The following MS4A14 variants were observed in gnomAD, a reference collection of about 807,000 sequenced individuals.
The protein encoded by MS4A14 is membrane spanning 4-domains A14, also known as membrane-spanning 4-domains subfamily A member 14.
MS4A14 carries 18 observed loss-of-function variants against 16.7 expected under a neutral mutation model. The ratio of observed to expected loss-of-function variants is 1.08; its 90% CI spans 0.75 to 1.60. The LOEUF (loss-of-function observed/expected upper bound fraction) is 1.60. Among genes scored for constraint, MS4A14 ranks in the 40% most tolerant of loss-of-function variants. MS4A14 has a pLI of 0.00. For synonymous variants in MS4A14, 305 were observed against 289.4 expected, an observed-to-expected ratio of 1.05 and a Z score of -0.55; for missense variants, 812 against 775.3, an observed-to-expected ratio of 1.05 and a Z score of -0.56.
intron 3 of MS4A14, among the ~76,000 whole-genome samples, chr11:60,401,749 T>G (rs2085716714): frequency 6.6e-6 from 1 of 152,206 alleles, no homozygotes; most frequent in African/African-American, 2.4e-5. Flanking sequence ...CTAGAGATCT[T>G]AGTCTATAAA....
At chr11:60,406,256 A>T (rs900049735) in intron 4 of MS4A14, among the ~76,000 whole-genome samples, 1 of 152,318 alleles carries the variant, frequency 6.6e-6, no homozygotes. Flanking sequence ...TCTCTGCCAA[A>T]AATATGTAAT....
intron 2 of MS4A14, among the ~76,000 whole-genome samples, chr11:60,398,821 T>C (rs2085668077): frequency 6.6e-6 from 1 of 152,212 alleles, no homozygotes; most frequent in Non-Finnish European, 1.5e-5. Flanking sequence ...CCAGCAGTGT[T>C]TTCATTTTCC....
chr11:60,408,799 AATTCTTT>A (rs1487116263), intron 4 of MS4A14, among the ~76,000 whole-genome samples: 1 of 152,172 alleles, frequency 6.6e-6, no homozygotes, highest in Non-Finnish European at 1.5e-5. Flanking sequence ...CCCTGTTTTC[AATTCTTT>A]TGGATACATA....
chr11:60,402,329 A>T (rs1214611155), intron 3 of MS4A14, among the ~76,000 whole-genome samples: 2 of 152,288 alleles, frequency 1.3e-5, no homozygotes, highest in East Asian at 3.9e-4. Flanking sequence ...TATTGCTTGA[A>T]TTCTCCCAGG....
At chr11:60,408,146 C>G (rs921773298) in intron 4 of MS4A14, among the ~76,000 whole-genome samples, 1 of 152,158 alleles carries the variant, frequency 6.6e-6, no homozygotes, top group Non-Finnish European at 1.5e-5. Flanking sequence ...AAATGCAATG[C>G]TTTCCTCCAT....
Position 60,400,675 on chromosome 11 carries a change from G to A in MS4A14, c.318+221G>A, listed in dbSNP as rs150589548. 2.1e-3 allele frequency among the ~76,000 whole-genome samples: 321 copies of A among 152,160 alleles called. 1 individual carries two copies. The highest frequency in any genetic ancestry group is 3.2e-3 in the Non-Finnish European group (218 of 68,004). On this transcript the variant is annotated intron_variant, in intron 3 of 4. Coordinates refer to ENST00000300187, the MANE Select transcript of MS4A14 (RefSeq NM_032597.5). ...AAGTAAACTAAAAGAGTTGTTTATT[G>A]GAAACCATTCTGCATCCCTGTAATT... is the stretch of plus-strand genomic sequence containing the variant.
Position 60,416,182 on chromosome 11 carries a change from T to C in MS4A14, c.1214T>C (p.Met405Thr), listed in dbSNP as rs116345276. The C allele has an allele frequency of 6.4e-4, 1,038 of 1,613,698 alleles. 3 individuals carry two copies. In the African/African-American group the frequency reaches 0.013, roughly 20 times the overall value. ...MPPQDIPSQD[M>T]LSQALSAHAI... ...CCTCAAGACATACCTTCCCAAGATA[T>C]GCTATCCCAAGCTCTATCAGCGCAT... Residue 405 changes from methionine (M) to threonine (T), a missense_variant, in exon 5 of 5, where the codon ATG (methionine) becomes ACG (threonine). Coordinates refer to ENST00000300187, the MANE Select transcript of MS4A14 (RefSeq NM_032597.5).
chr11:60,400,465 T>G lies in MS4A14; in HGVS notation c.318+11T>G. The G allele has an allele frequency of 6.4e-7, 1 of 1,572,554 alleles. No individual in the cohort carries two copies. Among genetic ancestry groups the G allele is most frequent in the Non-Finnish European group, 8.7e-7 (1 of 1,144,882 alleles). On this transcript the variant is annotated intron_variant, in intron 3 of 4. Coordinates refer to ENST00000300187, the MANE Select transcript of MS4A14 (RefSeq NM_032597.5). ...AAATCAAAACTTCTGGTAAGCCACT[T>G]AAACTACATAAAATTTAAAATCTTC...
intron 3 of MS4A14, among the ~76,000 whole-genome samples, chr11:60,402,134 G>A (rs928832857): frequency 7.9e-5 from 12 of 152,180 alleles, no homozygotes; most frequent in African/African-American, 2.4e-4. Flanking sequence ...CCCCCTTCCT[G>A]TAAAGGAACT....
At chr11:60,404,455 TG>T in intron 4 of MS4A14, 1 of 437,602 alleles carries the variant, frequency 2.3e-6, no homozygotes, top group Non-Finnish European at 4.6e-6. Flanking sequence ...AATGGCTTCC[TG>T]TAAAACGTAT....
intron 4 of MS4A14, among the ~76,000 whole-genome samples, chr11:60,409,048 A>G (rs1438214421): frequency 6.6e-5 from 10 of 152,128 alleles, no homozygotes; most frequent in Non-Finnish European, 1.2e-4. Flanking sequence ...GTACATATTT[A>G]TGGGGTACAG....
chr11:60,397,612 G>T (rs1293540261), intron 1 of MS4A14, among the ~76,000 whole-genome samples: 1 of 152,148 alleles, frequency 6.6e-6, no homozygotes, highest in Non-Finnish European at 1.5e-5. Flanking sequence ...CACCAGGGAA[G>T]ATAGAAAATA....
rs766782093 is a variant in MS4A14 at position 60,415,954 on chromosome 11, G to A, written c.986G>A (p.Gly329Asp). Reference protein sequence around the residue: ...DLPSQALPVEGLSEQTMPSKS... With the variant: ...DLPSQALPVEDLSEQTMPSKS... ...CCATCCCAAGCTCTACCAGTAGAAGGCCTGTCAGAACAAACCATGCCATCT... is the reference window on the plus strand; with the variant it reads ...CCATCCCAAGCTCTACCAGTAGAAGACCTGTCAGAACAAACCATGCCATCT... Residue 329 changes from glycine to aspartate, a missense_variant, in exon 5 of 5, where the codon GGC becomes GAC. Gly to Asp is a moderately conservative substitution (Grantham distance 94). Transcript: ENST00000300187. 19 of 1,613,656 alleles carry A rather than the reference G, an allele frequency of 1.2e-5. No individual in the cohort carries two copies. Among genetic ancestry groups the A allele is most frequent in the Middle Eastern group, 1.6e-4 (1 of 6,084 alleles).
intron 4 of MS4A14, among the ~76,000 whole-genome samples, chr11:60,403,753 T>C (rs111947457): frequency 0.017 from 2,517 of 152,302 alleles, 52 homozygotes; most frequent in Non-Finnish European, 0.017. Context: ...CCTAAGCAAG[T>C]CCTGGGGTTT....
chr11:60,398,055 A>G, intron 2 of MS4A14, 75 bp downstream of exon 2: 1 of 1,517,042 alleles, frequency 6.6e-7, no homozygotes, highest in Admixed American at 1.9e-5. Flanking sequence ...TCCTAGGGTA[A>G]TGAATTCCAT....
chr11:60,407,364 C>T (rs1407107498), intron 4 of MS4A14, among the ~76,000 whole-genome samples: 3 of 152,120 alleles, frequency 2.0e-5, no homozygotes, highest in Non-Finnish European at 4.4e-5. Context: ...AAGTTCTGAA[C>T]TATTATCATA....
At chr11:60,398,087 C>CA (rs956039344) in intron 2 of MS4A14, 107 bp downstream of exon 2, 16 of 1,177,714 alleles carry the variant, frequency 1.4e-5, no homozygotes, top group Non-Finnish European at 1.6e-5. Flanking sequence ...TCCAGGAGAC[C>CA]AAAAAAGGCA....
intron 4 of MS4A14, chr11:60,406,014 TTAAGAG>T: frequency 1.5e-6 from 2 of 1,375,990 alleles, no homozygotes; most frequent in Non-Finnish European, 1.9e-6. Flanking sequence ...CTTAATATTA[TTAAGAG>T]AACAGGTTCC....
chr11:60,402,886 T>G (rs749321412), intron 3 of MS4A14, 26 bp from the exon 4 acceptor site: 4 of 1,598,912 alleles, frequency 2.5e-6, no homozygotes, highest in Non-Finnish European at 3.4e-6. Flanking sequence ...TCTTATTTAT[T>G]TTATCATTTT....
Sources: allele counts gnomAD v4.1 joint callset (sites outside exome capture counted in the v4.1 genomes callset), GRCh38; gene constraint gnomAD v4.1.1; transcripts MANE v1.5; gene names NCBI Gene and HGNC (gene_info 2026-07-23, HGNC 2026-07-21).